GSG1L: variants seen among roughly 807,000 people sequenced by gnomAD.
The protein encoded by GSG1L is GSG1 like, also known as germ cell-specific gene 1-like protein.
In GSG1L, 24 loss-of-function variants were observed where a neutral mutation model predicts 42.1. The ratio of observed to expected loss-of-function variants is 0.57; its 90% CI spans 0.41 to 0.80. The LOEUF (loss-of-function observed/expected upper bound fraction) is 0.80, where lower values mean the gene tolerates loss of function less well. GSG1L is among the 30% of genes least tolerant of loss of function. GSG1L has a pLI of 0.00. For missense variants in GSG1L, 445 were observed against 472.2 expected (o/e 0.94, Z 0.53); for synonymous variants, 215 against 203.5 (o/e 1.06, Z -0.48).
intron 1 of GSG1L, among the ~76,000 whole-genome samples, chr16:27,995,975 G>A (rs921232461): frequency 7.2e-5 from 11 of 151,998 alleles, no homozygotes; most frequent in African/African-American, 2.7e-4. Context: ...CAAGATGGGA[G>A]GATTGCTTGA....
intron 1 of GSG1L, among the ~76,000 whole-genome samples, chr16:28,002,744 C>T (rs1361521002): frequency 6.6e-6 from 1 of 151,286 alleles, no homozygotes; most frequent in Non-Finnish European, 1.5e-5. Context: ...TCCTGGCTAA[C>T]ACGGTGAAAC....
chr16:28,018,280 A>G (rs2085802638), intron 1 of GSG1L, among the ~76,000 whole-genome samples: 1 of 152,260 alleles, frequency 6.6e-6, no homozygotes, highest in African/African-American at 2.4e-5. Context: ...GACTGGAAGT[A>G]GGTAGCTAAA....
At chr16:27,976,300 A>G (rs1276437385) in intron 1 of GSG1L, among the ~76,000 whole-genome samples, 1 of 152,176 alleles carries the variant, frequency 6.6e-6, no homozygotes, top group Admixed American at 6.5e-5. Flanking sequence ...TAATGCCCAG[A>G]CAATGTCTCT....
rs2083995988 is a variant in GSG1L at position 27,884,022 on chromosome 16, G to T, written c.550+464C>A. ...TTCCCATGCAGCATCTCCACGTGGA[G>T]TTCTCAAAGCCAGATGAGCTCAGGA... On this transcript the variant is annotated intron_variant, in intron 3 of 6. Transcript: ENST00000447459. This position sits in a 1 kb window ranked among gnomAD's most constrained non-coding sequence, Gnocchi z 4.4. Among the ~76,000 whole-genome samples, 1 of 152,222 alleles carries T rather than the reference G, an allele frequency of 6.6e-6. No homozygotes were observed. Among genetic ancestry groups the T allele is most frequent in the Non-Finnish European group, 1.5e-5 (1 of 68,050 alleles).
intron 3 of GSG1L, among the ~76,000 whole-genome samples, chr16:27,857,096 A>G (rs985071448): frequency 8.5e-5 from 13 of 152,100 alleles, no homozygotes; most frequent in Non-Finnish European, 1.9e-4. Context: ...TAAATACTAG[A>G]CGCACCCTGT....
At chr16:28,047,199 G>A (rs75343895) in intron 1 of GSG1L, among the ~76,000 whole-genome samples, 6,260 of 152,156 alleles carry the variant, frequency 0.041, 221 homozygotes, top group East Asian at 0.13. Context: ...ATTATGACAC[G>A]TATGAATAAA....
intron 2 of GSG1L, among the ~76,000 whole-genome samples, chr16:27,894,883 C>G (rs925947947): frequency 1.3e-5 from 2 of 152,092 alleles, no homozygotes; most frequent in African/African-American, 4.8e-5. Context: ...TGTTGTGTGT[C>G]TGGGGGCAAG....
chr16:28,055,837 T>C (rs1443603109), intron 1 of GSG1L, among the ~76,000 whole-genome samples: 1 of 152,154 alleles, frequency 6.6e-6, no homozygotes, highest in Non-Finnish European at 1.5e-5. Flanking sequence ...GAGCTTAACC[T>C]GCACCGTCCT....
At chr16:28,032,455 C>T (rs778548694) in intron 1 of GSG1L, among the ~76,000 whole-genome samples, 1 of 152,222 alleles carries the variant, frequency 6.6e-6, no homozygotes, top group Non-Finnish European at 1.5e-5. Flanking sequence ...ATGCACGACG[C>T]GCTCTTCCAG....
chr16:27,993,733 C>T (rs2085479958), intron 1 of GSG1L, among the ~76,000 whole-genome samples: 2 of 152,176 alleles, frequency 1.3e-5, no homozygotes, highest in Admixed American at 6.5e-5. Flanking sequence ...GATAAGGAAA[C>T]TTGCACATGG....
At chr16:27,907,927 G>C (rs532477676) in intron 2 of GSG1L, among the ~76,000 whole-genome samples, 1 of 152,204 alleles carries the variant, frequency 6.6e-6, no homozygotes, top group African/African-American at 2.4e-5. Flanking sequence ...CTGTGACCTT[G>C]GCAATTGCAT....
chr16:27,996,082 T>C (rs1435545900), intron 1 of GSG1L, among the ~76,000 whole-genome samples: 2 of 151,944 alleles, frequency 1.3e-5, no homozygotes, highest in Admixed American at 6.6e-5. Flanking sequence ...CTCTCACCCA[T>C]ACCAACCCAG....
chr16:27,880,540 C>T (rs756137762), intron 3 of GSG1L, among the ~76,000 whole-genome samples: 1 of 152,228 alleles, frequency 6.6e-6, no homozygotes, highest in African/African-American at 2.4e-5. Context: ...GTCAATTAAC[C>T]TCCCTGAGCC....
chr16:27,794,930 A>G (rs1393802553), intron 6 of GSG1L, among the ~76,000 whole-genome samples: 1 of 151,934 alleles, frequency 6.6e-6, no homozygotes, highest in African/African-American at 2.4e-5. Context: ...ATAGCCCTGT[A>G]GAATGCTTCC....
intron 1 of GSG1L, among the ~76,000 whole-genome samples, chr16:28,060,488 T>C (rs1242229642): frequency 6.6e-6 from 1 of 152,112 alleles, no homozygotes; most frequent in Admixed American, 6.5e-5. Context: ...CAGCCCACAG[T>C]GGCCAAGAGG....
At chr16:27,797,012 A>G (rs2082824989) in intron 6 of GSG1L, among the ~76,000 whole-genome samples, 1 of 152,208 alleles carries the variant, frequency 6.6e-6, no homozygotes, top group South Asian at 2.1e-4. Context: ...GCCAGGAACC[A>G]TTCAATGTGC....
chr16:27,941,641 C>A (rs1487496597), intron 2 of GSG1L, among the ~76,000 whole-genome samples: 2 of 149,340 alleles, frequency 1.3e-5, no homozygotes, highest in South Asian at 4.3e-4. Flanking sequence ...CCACTGCACT[C>A]CAGCCTGGGG....
At chr16:27,964,302 C>T (rs1424124486) in intron 1 of GSG1L, among the ~76,000 whole-genome samples, 5 of 145,140 alleles carry the variant, frequency 3.4e-5, no homozygotes, top group Non-Finnish European at 4.5e-5. Context: ...CCAGCCTGGG[C>T]GACAGAGAGG....
chr16:27,905,989 C>A (rs1232271951), intron 2 of GSG1L, among the ~76,000 whole-genome samples: 1 of 152,052 alleles, frequency 6.6e-6, no homozygotes, highest in Non-Finnish European at 1.5e-5. Context: ...GAGGCACCCA[C>A]AAAGCTTTTG....
Sources: allele counts gnomAD v4.1 joint callset (sites outside exome capture counted in the v4.1 genomes callset), GRCh38; gene constraint gnomAD v4.1.1; non-coding constraint Gnocchi (gnomAD v3.1); transcripts MANE v1.5; gene names NCBI Gene and HGNC (gene_info 2026-07-23, HGNC 2026-07-21).